Variants in RAI14 observed in about 807,000 individuals in gnomAD.
RAI14 encodes the protein ankycorbin.
Under a neutral mutation model 115.4 loss-of-function variants are expected in RAI14, and 45 were observed. That is an observed-to-expected ratio of 0.39 (90% CI 0.31 to 0.50). The LOEUF (loss-of-function observed/expected upper bound fraction) is 0.50. RAI14 is among the 20% of genes least tolerant of loss of function. The pLI is 0.85. For synonymous variants in RAI14, 371 were observed against 415.4 expected, an observed-to-expected ratio of 0.89 and a Z score of 1.30; for missense variants, 939 against 1,131.2, an observed-to-expected ratio of 0.83 and a Z score of 2.44.
rs138164685 is a variant in RAI14, at chr5:34,769,886, T to C, written c.167+12288T>C. 2.8e-3 allele frequency among the ~76,000 whole-genome samples: 429 copies of C among 152,176 alleles called. 2 individuals carry two copies. Among genetic ancestry groups the C allele is most frequent in the African/African-American group, 9.7e-3 (404 of 41,536 alleles). ...GGATTTCAGGCATGTGCCACAATAC[T>C]TAGCTAATTTTTGTATTTTTTAGTA... is the stretch of plus-strand genomic sequence containing the variant. On this transcript the variant is annotated intron_variant, in intron 3 of 17. Transcript: ENST00000265109.
intron 2 of RAI14, among the ~76,000 whole-genome samples, chr5:34,696,381 C>A (rs1461385382): frequency 1.3e-5 from 2 of 152,114 alleles, no homozygotes; most frequent in African/African-American, 4.8e-5. Context: ...CATGATCCAC[C>A]CGCCTCAGCC....
intron 2 of RAI14, chr5:34,688,013 A>G: frequency 7.5e-7 from 1 of 1,335,758 alleles, no homozygotes; most frequent in South Asian, 1.6e-5. Flanking sequence ...ACCCACTTAA[A>G]GAAAGAACTG....
intron 5 of RAI14, 32 bp downstream of exon 5, chr5:34,803,808 T>C (rs1469608193): frequency 6.3e-7 from 1 of 1,579,210 alleles, no homozygotes; most frequent in South Asian, 1.1e-5. Context: ...ATTATAAATG[T>C]GTCGGTTTTA....
At chr5:34,799,877 C>G (rs900975545) in intron 4 of RAI14, among the ~76,000 whole-genome samples, 2 of 151,864 alleles carry the variant, frequency 1.3e-5, no homozygotes, top group Non-Finnish European at 2.9e-5. Context: ...TTAGTAGGGA[C>G]GGGGTTTCAC....
intron 3 of RAI14, among the ~76,000 whole-genome samples, chr5:34,780,782 C>T (rs1474458415): frequency 6.6e-6 from 1 of 152,180 alleles, no homozygotes; most frequent in Non-Finnish European, 1.5e-5. Context: ...GGACTGTAAA[C>T]TAGTTCAACC....
At chr5:34,701,308 A>C (rs1048242793) in intron 2 of RAI14, among the ~76,000 whole-genome samples, 1 of 152,198 alleles carries the variant, frequency 6.6e-6, no homozygotes, top group Non-Finnish European at 1.5e-5. Flanking sequence ...TGGCCCTGCA[A>C]AGCTCCTTCT....
intron 2 of RAI14, among the ~76,000 whole-genome samples, chr5:34,713,862 A>C (rs530768709): frequency 6.6e-6 from 1 of 152,132 alleles, no homozygotes; most frequent in Non-Finnish European, 1.5e-5. Context: ...CTGGAGTGCA[A>C]TGGCACAATC....
chr5:34,776,937 G>A (rs1458486820), intron 3 of RAI14, among the ~76,000 whole-genome samples: 1 of 152,156 alleles, frequency 6.6e-6, no homozygotes, highest in Non-Finnish European at 1.5e-5. Context: ...GGGAAGCCGA[G>A]GTGGGAGGAT....
In RAI14 at chr5:34,804,614, C is replaced by T. The variant is rs867372967; in HGVS notation, c.321+838C>T. Among the ~76,000 whole-genome samples, 37 of 152,352 alleles carry T rather than the reference C, an allele frequency of 2.4e-4. 1 individual carries two copies. Among genetic ancestry groups the T allele is most frequent in the Middle Eastern group, 3.4e-3 (1 of 294 alleles). ...ATCACATTCTTCAACTTGTCCTGTG[C>T]TGTTGATCACACAGCTTCTTGTCTT... On this transcript the variant is annotated intron_variant, in intron 5 of 17. Coordinates refer to ENST00000265109, the MANE Select transcript of RAI14 (RefSeq NM_015577.3).
rs1336894656 is a variant in RAI14 at position 34,827,729 on chromosome 5, A to G, written c.2799+1250A>G. On this transcript the variant is annotated intron_variant, in intron 16 of 17. Coordinates refer to ENST00000265109, the MANE Select transcript of RAI14 (RefSeq NM_015577.3). The surrounding 1 kb of genome is among the most constrained non-coding windows in gnomAD (Gnocchi z 4.2). ...ATTACAGACTTGTAGATAAAGTGCT[A>G]TTGGTTTATACAGTAATTCTTATAA... 6.6e-6 allele frequency among the ~76,000 whole-genome samples: 1 copy of G among 152,198 alleles called. No individual in the cohort carries two copies. Among genetic ancestry groups the G allele is most frequent in the Non-Finnish European group, 1.5e-5 (1 of 68,038 alleles).
chr5:34,695,884 C>T (rs1459799290), intron 2 of RAI14, among the ~76,000 whole-genome samples: 1 of 145,662 alleles, frequency 6.9e-6, no homozygotes, highest in Non-Finnish European at 1.5e-5. Flanking sequence ...GTGGTGTTAT[C>T]ATAGCTCACT....
chr5:34,804,339 A>G (rs779190872), intron 5 of RAI14, among the ~76,000 whole-genome samples: 1 of 152,230 alleles, frequency 6.6e-6, no homozygotes, highest in African/African-American at 2.4e-5. Context: ...ATGATCCCTT[A>G]AAGTGACAAC....
intron 2 of RAI14, among the ~76,000 whole-genome samples, chr5:34,726,909 T>A (rs925039926): frequency 6.6e-6 from 1 of 152,158 alleles, no homozygotes; most frequent in African/African-American, 2.4e-5. Context: ...ATTAGCAGCA[T>A]AAGAACAGAC....
chr5:34,791,340 C>T lies in RAI14; in HGVS notation c.168-4599C>T, dbSNP rs933238890. Among the ~76,000 whole-genome samples, 2 of 152,078 alleles carry T rather than the reference C, an allele frequency of 1.3e-5. No individual in the cohort carries two copies. The highest frequency in any genetic ancestry group is 2.9e-5 in the Non-Finnish European group (2 of 68,014). On this transcript the variant is annotated intron_variant, in intron 3 of 17. Transcript: ENST00000265109. The surrounding 1 kb of genome is among the most constrained non-coding windows in gnomAD (Gnocchi z 5.4). ...GAGGTGTATTCTTGAACCCTTTAAA[C>T]GGGTCTCTACTTTGGCCTAAGACCA...
At chr5:34,716,701 C>T (rs1742046151) in intron 2 of RAI14, 1 of 152,264 alleles carries the variant, frequency 6.6e-6, no homozygotes, top group Non-Finnish European at 1.5e-5. Context: ...GTGTGAGCCA[C>T]TGCGCCCGGT....
chr5:34,767,591 G>GCCCCCACCA (rs574133836), intron 3 of RAI14, among the ~76,000 whole-genome samples: 4,387 of 116,646 alleles, frequency 0.038, 113 homozygotes, highest in Middle Eastern at 0.11. Context: ...CACCGCCACC[G>GCCCCCACCA]CCCCCACCAC....
intron 1 of RAI14, among the ~76,000 whole-genome samples, chr5:34,665,832 T>G (rs1011198928): frequency 2.0e-5 from 3 of 152,160 alleles, no homozygotes; most frequent in African/African-American, 7.2e-5. Context: ...CCCACCCCAC[T>G]GCCACCCACA....
chr5:34,700,055 G>A (rs909349729), intron 2 of RAI14, among the ~76,000 whole-genome samples: 2 of 152,196 alleles, frequency 1.3e-5, no homozygotes, highest in African/African-American at 4.8e-5. Context: ...TGAGCTGGGT[G>A]GGGCCTGGAG....
chr5:34,683,441 AAAAAG>A (rs984113021), intron 1 of RAI14, among the ~76,000 whole-genome samples: 13 of 152,174 alleles, frequency 8.5e-5, no homozygotes, highest in South Asian at 4.1e-4. Context: ...CTTAAAAAAA[AAAAAG>A]AAAAGCCAAA....
Sources: gnomAD v4.1 joint callset for allele counts (sites outside exome capture counted in the v4.1 genomes callset) on GRCh38, gnomAD v4.1.1 for gene constraint, Gnocchi (gnomAD v3.1) non-coding constraint, MANE v1.5 for transcripts, NCBI Gene and HGNC (gene_info 2026-07-23, HGNC 2026-07-21) for gene names.